The following THOC1 variants were observed in gnomAD, a reference collection of about 807,000 sequenced individuals.
THOC1 encodes the protein THO complex 1.
Under a neutral mutation model 97.3 loss-of-function variants are expected in THOC1, and 29 were observed. That is an observed-to-expected ratio of 0.30 (90% CI 0.22 to 0.41). The LOEUF (loss-of-function observed/expected upper bound fraction) is 0.41, where lower values mean the gene tolerates loss of function less well. Ranked by LOEUF, THOC1 falls within the 10% of genes least tolerant of loss-of-function variation. The probability of loss-of-function intolerance (pLI) is 1.00; values close to 1 mark genes in which losing one functional copy is unlikely to be tolerated. For missense variants in THOC1, 529 were observed against 761.9 expected, an observed-to-expected ratio of 0.69 and a Z score of 3.60; for synonymous variants, 255 against 257.0, an observed-to-expected ratio of 0.99 and a Z score of 0.07.
intron 11 of THOC1, 53 bp from the exon 12 acceptor site, chr18:226,954 T>C (rs1342611320): frequency 1.4e-6 from 2 of 1,382,850 alleles, no homozygotes; most frequent in Non-Finnish European, 2.0e-6. Context: ...AAATCAAGTT[T>C]TTCCTAAAGG....
rs1472024643 is a variant in THOC1 at position 221,764 on chromosome 18, A to ATG, written c.1370+1675_1370+1676insCA. On this transcript the variant is annotated intron_variant, in intron 17 of 20. Transcript: ENST00000261600. ...GCTGAGACTACAGGCGCCTGCCACC[A>ATG]CACTTGGCTAATTTTTTGTATTTTT... Among the ~76,000 whole-genome samples the ATG allele has an allele frequency of 7.9e-5, 12 of 152,000 alleles. No individual in the cohort carries two copies. In the East Asian group the frequency reaches 2.3e-3, roughly 29 times the overall value.
intron 12 of THOC1, chr18:225,700 G>A (rs898395745): frequency 1.8e-5 from 5 of 285,578 alleles, no homozygotes; most frequent in East Asian, 7.2e-5. Flanking sequence ...AGTGTGAAAC[G>A]AAAACTTCTG....
intron 7 of THOC1, among the ~76,000 whole-genome samples, chr18:257,608 G>A (rs1912476040): frequency 6.6e-6 from 1 of 152,056 alleles, no homozygotes; most frequent in Non-Finnish European, 1.5e-5. Context: ...CAGTAGCAAT[G>A]AGCACATCTT....
chr18:264,732 T>C (rs1275540240), intron 3 of THOC1, among the ~76,000 whole-genome samples: 2 of 152,242 alleles, frequency 1.3e-5, no homozygotes, highest in Admixed American at 1.3e-4. Context: ...CTATGGCCAA[T>C]AGAAGGGAAT....
rs927746122 is a variant in THOC1, at chr18:224,260, TTTAG to T, written c.1209-85_1209-82del. On this transcript the variant is annotated intron_variant, in intron 15 of 20. Transcript: ENST00000261600. ...GAAGAATGTTTAACGTAAAAGAAAA[TTTAG>T]TTATTGTTTTCCTCTTAAAAAAGAT... 1.1e-5 allele frequency: 12 copies of T among 1,113,146 alleles called. No homozygotes were observed. The African/African-American group carries it at 1.7e-4, about 16-fold the overall frequency. 69.0% of individuals were successfully genotyped at this position (1,113,146 alleles called of 1,614,324 possible). A position where few individuals can be genotyped will look rare whatever the true frequency, so the allele number is the denominator to read the frequency against.
chr18:215,246 G>A (rs1415447551), intron 20 of THOC1, among the ~76,000 whole-genome samples, 183 bp downstream of exon 20: 1 of 152,048 alleles, frequency 6.6e-6, no homozygotes, highest in Non-Finnish European at 1.5e-5. Flanking sequence ...CAATTTTATT[G>A]CATAAAATGT....
intron 7 of THOC1, among the ~76,000 whole-genome samples, chr18:256,721 A>G (rs990435073): frequency 2.0e-5 from 3 of 152,152 alleles, no homozygotes; most frequent in African/African-American, 7.2e-5. Flanking sequence ...ACATAAACTT[A>G]GTTGATAAAG....
chr18:238,906 T>C (rs1251715980), intron 11 of THOC1, among the ~76,000 whole-genome samples: 1 of 152,254 alleles, frequency 6.6e-6, no homozygotes, highest in Non-Finnish European at 1.5e-5. Flanking sequence ...AAGATGACTT[T>C]ATGACTTTTC....
At position 242,768 on chromosome 18, in the gene THOC1, A is replaced by C. The variant is rs990334613; in HGVS notation, c.918+3556T>G. ...ATCCAGACCTTTCTCATGACTTACC[A>C]AATCTATATCAAAAGTTGAAAGTAA... On this transcript the variant is annotated intron_variant, in intron 11 of 20. Coordinates refer to ENST00000261600, the MANE Select transcript of THOC1 (RefSeq NM_005131.3). The surrounding 1 kb of genome is among the most constrained non-coding windows in gnomAD (Gnocchi z 4.5). 6.6e-6 allele frequency among the ~76,000 whole-genome samples: 1 copy of C among 152,188 alleles called. No individual in the cohort carries two copies. Among genetic ancestry groups the C allele is most frequent in the African/African-American group, 2.4e-5 (1 of 41,460 alleles).
chr18:221,907 C>T (rs1160330855), intron 17 of THOC1, among the ~76,000 whole-genome samples: 2 of 152,042 alleles, frequency 1.3e-5, no homozygotes, highest in Non-Finnish European at 2.9e-5. Flanking sequence ...CGCGCCTGGC[C>T]GATAGATCTT....
intron 11 of THOC1, among the ~76,000 whole-genome samples, chr18:227,974 C>T (rs541821420): frequency 6.6e-5 from 10 of 152,240 alleles, no homozygotes; most frequent in Admixed American, 5.9e-4. Flanking sequence ...ATCAGCCTTC[C>T]AGTCAGGTTT....
chr18:218,731 G>T (rs1278649501), intron 18 of THOC1, among the ~76,000 whole-genome samples, 155 bp downstream of exon 18: 1 of 152,108 alleles, frequency 6.6e-6, no homozygotes, highest in Non-Finnish European at 1.5e-5. Flanking sequence ...AAATCAGGAT[G>T]TGTACTAACA....
chr18:216,527 AT>A lies in THOC1; in HGVS notation c.1560del (p.Glu520AspfsTer7). 6.2e-7 allele frequency: 1 copy of A among 1,613,958 alleles called. No homozygotes were observed. The highest frequency in any genetic ancestry group is 8.5e-7 in the Non-Finnish European group (1 of 1,179,862). ...AGCTTTATTACCATATTTTCAAGAT[AT>A]TCTGGTAAACTTTTAAACTGCTGGT... Reference protein sequence around the residue: ...PTNQQFKSLPEYLENMVIKLA... With the variant: ...PTNQQFKSLPXYLENMVIKLA... On this transcript the variant is annotated frameshift_variant, in exon 19 of 21. Coordinates refer to ENST00000261600, the MANE Select transcript of THOC1 (RefSeq NM_005131.3). LOFTEE classifies it high-confidence loss of function.
At chr18:215,573 T>G (rs1207899395) in intron 19 of THOC1, 69 bp from the exon 20 acceptor site, 3 of 1,304,544 alleles carry the variant, frequency 2.3e-6, no homozygotes, top group Non-Finnish European at 3.3e-6. Context: ...GTATTTTGTT[T>G]GGATAAGGAC....
In THOC1 at chr18:231,730, C is replaced by G. The variant is rs151231782; in HGVS notation, c.919-4829G>C. Among the ~76,000 whole-genome samples, 769 of 152,332 alleles carry G rather than the reference C, an allele frequency of 5.0e-3. 7 individuals carry two copies. Among genetic ancestry groups the G allele is most frequent in the East Asian group, 0.012 (62 of 5,180 alleles). On this transcript the variant is annotated intron_variant, in intron 11 of 20. Coordinates refer to ENST00000261600, the MANE Select transcript of THOC1 (RefSeq NM_005131.3). ...CCCACTCCTATTTCCCTCCCTCCCT[C>G]TACTATGGTAACCACTACCATGTAT... is the stretch of plus-strand genomic sequence containing the variant.
At chr18:252,188 C>A (rs566240400) in intron 9 of THOC1, among the ~76,000 whole-genome samples, 3 of 152,130 alleles carry the variant, frequency 2.0e-5, no homozygotes, top group Non-Finnish European at 4.4e-5. Context: ...TCTTAACTTG[C>A]CTATTTCATT....
chr18:250,407 A>G (rs916103974), intron 9 of THOC1, among the ~76,000 whole-genome samples: 2 of 152,174 alleles, frequency 1.3e-5, no homozygotes, highest in Non-Finnish European at 2.9e-5. Flanking sequence ...ACCCACACAA[A>G]GCAAATGTAA....
chr18:243,082 A>G (rs986828818), intron 11 of THOC1, among the ~76,000 whole-genome samples: 2 of 152,244 alleles, frequency 1.3e-5, no homozygotes, highest in African/African-American at 4.8e-5. Context: ...GGAAATGAAG[A>G]TGCAAAACAT....
chr18:217,046 T>TTAGGGAA (rs1910916305), intron 18 of THOC1, among the ~76,000 whole-genome samples: 2 of 152,238 alleles, frequency 1.3e-5, no homozygotes, highest in Non-Finnish European at 2.9e-5. Flanking sequence ...TGGTATACCA[T>TTAGGGAA]CAGGTGAGAA....
Sources: gnomAD v4.1 joint callset for allele counts (sites outside exome capture counted in the v4.1 genomes callset) on GRCh38, gnomAD v4.1.1 for gene constraint, Gnocchi (gnomAD v3.1) non-coding constraint, MANE v1.5 for transcripts, NCBI Gene and HGNC (gene_info 2026-07-23, HGNC 2026-07-21) for gene names.